Variants in TCHP observed in about 807,000 individuals in gnomAD.
TCHP encodes trichoplein keratin filament-binding protein.
A neutral mutation model predicts 88.7 loss-of-function variants in TCHP; 81 were observed. The ratio of observed to expected loss-of-function variants is 0.91; its 90% CI spans 0.76 to 1.10. The LOEUF is 1.10. Among genes scored for constraint, TCHP ranks in the 50% least tolerant of loss-of-function variants. TCHP has a pLI of 0.00. For synonymous variants in TCHP, 232 were observed against 232.5 expected, an observed-to-expected ratio of 1.00 and a Z score of 0.02; for missense variants, 641 against 632.1, an observed-to-expected ratio of 1.01 and a Z score of -0.15.
In TCHP at chr12:109,903,158, T is replaced by C; in HGVS notation, c.132T>C (p.Ser44=). 2 of 1,614,038 alleles carry C rather than the reference T, an allele frequency of 1.2e-6. No individual in the cohort carries two copies. Among genetic ancestry groups the C allele is most frequent in the Non-Finnish European group, 1.7e-6 (2 of 1,179,890 alleles). ...WEQNSRYFRM[S]DICSSKQAEW... ...AGAACAGCCGTTACTTCAGGATGTCTGACATCTGCAGCTCCAAACAGGCAG... is the reference window on the plus strand; with the variant it reads ...AGAACAGCCGTTACTTCAGGATGTCCGACATCTGCAGCTCCAAACAGGCAG... The change falls in exon 2 of 13, where the codon TCT becomes TCC. Residue 44 remains serine, a synonymous_variant. Coordinates refer to ENST00000405876, the MANE Select transcript of TCHP (RefSeq NM_001143852.2). The surrounding 1 kb of genome is among the most constrained non-coding windows in gnomAD (Gnocchi z 4.6).
At chr12:109,897,619 G>A (rs1366506243), upstream of TCHP, among the ~76,000 whole-genome samples, 3 of 150,984 alleles carry the variant, frequency 2.0e-5, no homozygotes, top group Admixed American at 1.3e-4. Flanking sequence ...GGAGTTCAGC[G>A]GTCAGATCTC....
intron 10 of TCHP, 123 bp from the exon 11 acceptor site, chr12:109,914,319 C>A: frequency 1.2e-6 from 1 of 821,232 alleles, no homozygotes; most frequent in Non-Finnish European, 1.9e-6. Context: ...CCTCTGCGTA[C>A]CTGGGCCTGA....
At chr12:109,907,799 C>A in intron 6 of TCHP, 100 bp downstream of exon 6, 2 of 1,339,248 alleles carry the variant, frequency 1.5e-6, no homozygotes, top group Non-Finnish European at 2.0e-6. Context: ...CATAGCAGGG[C>A]TGAGATTCTG....
intron 10 of TCHP, among the ~76,000 whole-genome samples, chr12:109,913,656 C>T (rs1870636635): frequency 6.6e-6 from 1 of 152,142 alleles, no homozygotes; most frequent in Non-Finnish European, 1.5e-5. Context: ...GGAAGATATA[C>T]CCCAACCGCA....
At chr12:109,902,052 T>A (rs1263498959) in intron 1 of TCHP, among the ~76,000 whole-genome samples, 1 of 152,236 alleles carries the variant, frequency 6.6e-6, no homozygotes, top group Non-Finnish European at 1.5e-5. Flanking sequence ...TGTCTCTGTT[T>A]AAGCACAGCA....
At chr12:109,911,921 G>A (rs985320908) in intron 9 of TCHP, among the ~76,000 whole-genome samples, 16 of 151,768 alleles carry the variant, frequency 1.1e-4, no homozygotes, top group Non-Finnish European at 2.4e-4. Context: ...TCAGCCTCCC[G>A]AGTAGCTGGG....
At chr12:109,889,653 CA>C in the TCHP span, among the ~76,000 whole-genome samples, 2 of 152,192 alleles carry the variant, frequency 1.3e-5, no homozygotes, top group African/African-American at 4.8e-5. Flanking sequence ...AACTCCCTGT[CA>C]GGGCTGATGT....
the TCHP span, among the ~76,000 whole-genome samples, chr12:109,885,235 G>T: frequency 6.6e-6 from 1 of 152,206 alleles, no homozygotes; most frequent in Non-Finnish European, 1.5e-5. Flanking sequence ...CTCCCAGAGT[G>T]CTGGGATTAC....
At chr12:109,910,070 T>A (rs1173959555) in intron 8 of TCHP, among the ~76,000 whole-genome samples, 2 of 151,884 alleles carry the variant, frequency 1.3e-5, no homozygotes, top group Admixed American at 1.3e-4. Context: ...ACCCAGGAGG[T>A]GGAGGTTGCA....
chr12:109,904,239 G>A (rs1869995264), intron 3 of TCHP, 92 bp downstream of exon 3: 1 of 1,188,814 alleles, frequency 8.4e-7, no homozygotes. Flanking sequence ...GGGTGCTCAG[G>A]TCTGATGAGA....
upstream of TCHP, among the ~76,000 whole-genome samples, chr12:109,898,624 C>G (rs549877402): frequency 6.6e-6 from 1 of 152,220 alleles, no homozygotes; most frequent in East Asian, 1.9e-4. Flanking sequence ...CCTGGGCGTT[C>G]TGACTGTAGA....
the TCHP span, among the ~76,000 whole-genome samples, chr12:109,884,275 G>A: frequency 5.3e-5 from 8 of 151,828 alleles, no homozygotes; most frequent in East Asian, 1.4e-3. Context: ...TACAAGCTCC[G>A]CCTTCCGGGT....
chr12:109,904,613 T>C (rs1181615477), intron 3 of TCHP, 124 bp from the exon 4 acceptor site: 1 of 744,672 alleles, frequency 1.3e-6, no homozygotes, highest in Non-Finnish European at 2.3e-6. Context: ...GTTTGAACAG[T>C]GGTTGCAGTG....
At chr12:109,915,574 A>G (rs760172173) in intron 12 of TCHP, 28 bp downstream of exon 12, 1 of 1,592,246 alleles carries the variant, frequency 6.3e-7, no homozygotes, top group Admixed American at 1.7e-5. Context: ...ATATAGGCCA[A>G]CACCGGCAAG....
At chr12:109,910,874 C>T (rs1289622981) in intron 8 of TCHP, among the ~76,000 whole-genome samples, 189 bp from the exon 9 acceptor site, 2 of 152,194 alleles carry the variant, frequency 1.3e-5, no homozygotes, top group African/African-American at 2.4e-5. Context: ...AGTGTCTGAA[C>T]CACCCCTCGT....
the TCHP span, among the ~76,000 whole-genome samples, chr12:109,894,051 G>T: frequency 2.0e-5 from 3 of 152,106 alleles, no homozygotes; most frequent in Non-Finnish European, 4.4e-5. Context: ...AGGCATGGTG[G>T]CAGGTGCCTA....
At chr12:109,887,197 G>A in the TCHP span, among the ~76,000 whole-genome samples, 1 of 152,046 alleles carries the variant, frequency 6.6e-6, no homozygotes, top group African/African-American at 2.4e-5. Flanking sequence ...GCCAAGGTGG[G>A]TGGATCACCA....
At position 109,915,609 on chromosome 12, in the gene TCHP, C is replaced by G. The variant is rs1027077006; in HGVS notation, c.1464+63C>G. 2.0e-6 allele frequency: 3 copies of G among 1,521,550 alleles called. No individual in the cohort carries two copies. The African/African-American group carries it at 4.1e-5, about 21-fold the overall frequency. 94.3% of individuals were successfully genotyped at this position (1,521,550 alleles called of 1,614,324 possible). ...GACAGACTCTGCCCGGCCCCTGCTC[C>G]CCTGGGCCTGCTCATCGCCCCGCGC... On this transcript the variant is annotated intron_variant, in intron 12 of 12. Transcript: ENST00000405876.
chr12:109,889,058 G>A, the TCHP span, among the ~76,000 whole-genome samples: 3 of 151,982 alleles, frequency 2.0e-5, no homozygotes, highest in South Asian at 6.2e-4. Flanking sequence ...ACTGGGCATG[G>A]TATCTCACAC....
Sources: gnomAD v4.1 joint callset for allele counts (sites outside exome capture counted in the v4.1 genomes callset) on GRCh38, gnomAD v4.1.1 for gene constraint, Gnocchi (gnomAD v3.1) non-coding constraint, MANE v1.5 for transcripts, NCBI Gene and HGNC (gene_info 2026-07-23, HGNC 2026-07-21) for gene names.